JPH3: variants seen among roughly 807,000 people sequenced by gnomAD.
The protein encoded by JPH3 is junctophilin 3, also known as junctophilin-3.
A neutral mutation model predicts 59.6 loss-of-function variants in JPH3; 11 were observed. The ratio of observed to expected loss-of-function variants is 0.18; its 90% CI spans 0.12 to 0.31. The LOEUF (loss-of-function observed/expected upper bound fraction) is 0.31, where lower values mean the gene tolerates loss of function less well. Among genes scored for constraint, JPH3 ranks in the 10% least tolerant of loss-of-function variants. The pLI is 1.00. For missense variants in JPH3, 1,202 were observed against 1,105.7 expected (o/e 1.09, Z -1.24); for synonymous variants, 673 against 483.6 (o/e 1.39, Z -5.14).
rs776719832 is a variant in JPH3, at chr16:87,644,343, C to T, written c.468C>T (p.Ile156=). ...TCCCGTATGGCATGGCCGCGGTCATCCGCTCACCCCTGAGGACGTCCATCA... is the reference window on the plus strand; with the variant it reads ...TCCCGTATGGCATGGCCGCGGTCATTCGCTCACCCCTGAGGACGTCCATCA... ...QSVPYGMAAV[I]RSPLRTSINS... is the part of the protein sequence containing the mutation. The change falls in exon 2 of 5, where the codon ATC becomes ATT. Residue 156 remains isoleucine (I), a synonymous_variant. Coordinates refer to ENST00000284262, the MANE Select transcript of JPH3 (RefSeq NM_020655.4). 1.4e-5 allele frequency: 23 copies of T among 1,612,846 alleles called. No homozygotes were observed. In the African/African-American group the frequency reaches 2.7e-4, roughly 19 times the overall value.
intron 1 of JPH3, among the ~76,000 whole-genome samples, chr16:87,632,614 T>C (rs966457089): frequency 1.3e-5 from 2 of 152,158 alleles, no homozygotes; most frequent in Non-Finnish European, 2.9e-5. Flanking sequence ...AAATTTTGGC[T>C]GGGTGCAGCG....
chr16:87,610,676 A>G (rs1353754301), intron 1 of JPH3, among the ~76,000 whole-genome samples: 1 of 152,176 alleles, frequency 6.6e-6, no homozygotes, highest in Non-Finnish European at 1.5e-5. Flanking sequence ...TAGCATTAAA[A>G]CATGCCTGTT....
chr16:87,643,366 C>G (rs984852838), intron 1 of JPH3, among the ~76,000 whole-genome samples: 1 of 150,534 alleles, frequency 6.6e-6, no homozygotes, highest in African/African-American at 2.5e-5. Flanking sequence ...GCACAGGCAG[C>G]TGCTGCAGTC....
intron 1 of JPH3, among the ~76,000 whole-genome samples, chr16:87,615,886 C>G (rs73234323): frequency 0.033 from 5,064 of 152,258 alleles, 277 homozygotes; most frequent in African/African-American, 0.11. Context: ...GCAGAGGAGA[C>G]CTCCGGAAAT....
intron 2 of JPH3, among the ~76,000 whole-genome samples, chr16:87,662,866 C>T (rs1034322043): frequency 6.6e-6 from 1 of 152,226 alleles, no homozygotes; most frequent in African/African-American, 2.4e-5. Flanking sequence ...TACCTGAAAC[C>T]TTTCAGGCCT....
intron 1 of JPH3, among the ~76,000 whole-genome samples, chr16:87,625,247 G>A (rs565571778): frequency 3.6e-4 from 55 of 152,360 alleles, no homozygotes; most frequent in African/African-American, 1.3e-3. Context: ...TGAGGTCTGC[G>A]TTTGGAGGAA....
chr16:87,651,691 T>C (rs868715211), intron 2 of JPH3, among the ~76,000 whole-genome samples: 1 of 152,208 alleles, frequency 6.6e-6, no homozygotes, highest in Non-Finnish European at 1.5e-5. Context: ...ACGACCACAC[T>C]CGAAAGACTG....
intron 4 of JPH3, among the ~76,000 whole-genome samples, chr16:87,692,206 TGTCTCCCTCCCC>T (rs57826471): frequency 0.08 from 12,122 of 151,454 alleles, 680 homozygotes; most frequent in Non-Finnish European, 0.11. Context: ...TTTCCCTCCC[TGTCTCCCTCCCC>T]GTCTCCCTCC....
At chr16:87,655,834 C>G (rs763908305) in intron 2 of JPH3, among the ~76,000 whole-genome samples, 7 of 152,232 alleles carry the variant, frequency 4.6e-5, no homozygotes, top group Non-Finnish European at 8.8e-5. Flanking sequence ...GTAGGAGGCT[C>G]TGGATTGAAT....
At chr16:87,670,600 C>T (rs908769724) in intron 2 of JPH3, among the ~76,000 whole-genome samples, 4 of 152,368 alleles carry the variant, frequency 2.6e-5, no homozygotes, top group African/African-American at 9.6e-5. Context: ...AGGCACTCTT[C>T]AGGCAAATCT....
In JPH3 at chr16:87,661,631, G is replaced by A. The variant is rs906075160; in HGVS notation, c.1160+16596G>A. 1.2e-4 allele frequency among the ~76,000 whole-genome samples: 18 copies of A among 152,334 alleles called. No homozygotes were observed. The East Asian group carries it at 2.5e-3, about 21-fold the overall frequency. On this transcript the variant is annotated intron_variant, in intron 2 of 4. Transcript: ENST00000284262. ...GCCGAGAACACACCCCACTTTATCC[G>A]GAAGGCCAGCCATGTCTGCTCAGAG...
chr16:87,682,019 A>G (rs1016126942), intron 2 of JPH3, among the ~76,000 whole-genome samples: 1 of 151,888 alleles, frequency 6.6e-6, no homozygotes, highest in Admixed American at 6.6e-5. Context: ...CTTTGAGTAC[A>G]GTTTCAGGAG....
Position 87,676,087 on chromosome 16 carries a change from C to T in JPH3, c.1161-8055C>T, listed in dbSNP as rs115467422. On this transcript the variant is annotated intron_variant, in intron 2 of 4. Transcript: ENST00000284262. ...TTAGATCACGATGGTGGTGACCCGC[C>T]TCAGTAAATGTGCTAAAAACCAGTG... Among the ~76,000 whole-genome samples the T allele has an allele frequency of 8.3e-3, 1,260 of 152,334 alleles. 15 individuals carry two copies. The highest frequency in any genetic ancestry group is 0.029 in the African/African-American group (1,209 of 41,576).
chr16:87,682,085 C>T (rs1567612844), intron 2 of JPH3, among the ~76,000 whole-genome samples: 2 of 152,300 alleles, frequency 1.3e-5, no homozygotes, highest in East Asian at 1.9e-4. Flanking sequence ...AGGGGGTGTG[C>T]TCTCTGGGCC....
At chr16:87,625,930 A>G (rs941059682) in intron 1 of JPH3, among the ~76,000 whole-genome samples, 14 of 152,170 alleles carry the variant, frequency 9.2e-5, no homozygotes, top group African/African-American at 3.1e-4. Flanking sequence ...TCAGGGCCTC[A>G]AGCCCCTGCA....
intron 2 of JPH3, among the ~76,000 whole-genome samples, chr16:87,672,024 G>A (rs904001189): frequency 1.3e-5 from 2 of 152,180 alleles, no homozygotes; most frequent in Non-Finnish European, 1.5e-5. Context: ...TCCCAGGCAG[G>A]TGTAGGGCTG....
intron 1 of JPH3, among the ~76,000 whole-genome samples, chr16:87,640,403 T>C (rs2031907960): frequency 6.6e-6 from 1 of 151,858 alleles, no homozygotes; most frequent in South Asian, 2.1e-4. Flanking sequence ...TTTATGTATT[T>C]GTTTAGAGAC....
intron 1 of JPH3, among the ~76,000 whole-genome samples, chr16:87,607,451 A>C (rs1458104342): frequency 6.6e-6 from 1 of 152,220 alleles, no homozygotes; most frequent in African/African-American, 2.4e-5. Context: ...GCCTGCGCAC[A>C]CACACGCGCA....
chr16:87,694,708 A>G (rs1356158218), intron 4 of JPH3: 2 of 159,892 alleles, frequency 1.3e-5, no homozygotes, highest in African/African-American at 4.8e-5. Context: ...CACAGTGTAC[A>G]AGTCAGGGAT....
Sources: allele counts gnomAD v4.1 joint callset (sites outside exome capture counted in the v4.1 genomes callset), GRCh38; gene constraint gnomAD v4.1.1; transcripts MANE v1.5; gene names NCBI Gene and HGNC (gene_info 2026-07-23, HGNC 2026-07-21).